TCF4: variants seen among roughly 807,000 people sequenced by gnomAD.
The protein encoded by TCF4 is transcription factor 4, also known as SL3-3 enhancer factor 2.
In TCF4, 3 loss-of-function variants were observed where a neutral mutation model predicts 82.1. That is an observed-to-expected ratio of 0.04 (90% CI 0.02 to 0.09). TCF4 has a LOEUF of 0.09. Ranked by LOEUF, TCF4 falls within the 10% of genes least tolerant of loss-of-function variation. The pLI, the probability that TCF4 is intolerant of heterozygous loss-of-function variation, is 1.00. For synonymous variants in TCF4, 276 were observed against 309.6 expected (o/e 0.89, Z 1.14); for missense variants, 518 against 852.7 (o/e 0.61, Z 4.89).
intron 3 of TCF4, among the ~76,000 whole-genome samples, chr18:55,476,639 T>A (rs1226485475): frequency 6.6e-6 from 1 of 151,686 alleles, no homozygotes; most frequent in Non-Finnish European, 1.5e-5. Flanking sequence ...CCACACCCAG[T>A]GAATTTTTTG....
intron 12 of TCF4, 139 bp downstream of exon 12, chr18:55,261,327 C>T (rs2145725077): frequency 5.9e-6 from 6 of 1,018,072 alleles, no homozygotes; most frequent in Non-Finnish European, 9.4e-6. Context: ...TTTCCAGTGA[C>T]TGTTATGCAA....
At chr18:55,423,562 A>C (rs2094863096) in intron 5 of TCF4, 1 of 152,282 alleles carries the variant, frequency 6.6e-6, no homozygotes, top group Non-Finnish European at 1.5e-5. Flanking sequence ...TGAAGATGAC[A>C]AAACATAGCT....
At chr18:55,406,892 C>A (rs568427731) in intron 5 of TCF4, among the ~76,000 whole-genome samples, 2 of 152,314 alleles carry the variant, frequency 1.3e-5, no homozygotes, top group South Asian at 2.1e-4. Flanking sequence ...ACAGCCGCTG[C>A]GGATATTTTT....
intron 3 of TCF4, among the ~76,000 whole-genome samples, chr18:55,521,501 T>C (rs1180741692): frequency 6.6e-6 from 1 of 152,126 alleles, no homozygotes; most frequent in Non-Finnish European, 1.5e-5. Context: ...TCCCATGTGT[T>C]TGCTACCTAC....
Position 55,355,273 on chromosome 18 carries a change from A to C in TCF4, c.370-4270T>G, listed in dbSNP as rs981924031. Among the ~76,000 whole-genome samples the C allele has an allele frequency of 2.0e-5, 3 of 152,206 alleles. No homozygotes were observed. The South Asian group carries it at 6.2e-4, about 31-fold the overall frequency. On this transcript the variant is annotated intron_variant, in intron 6 of 19. Coordinates refer to ENST00000354452, the MANE Select transcript of TCF4 (RefSeq NM_001083962.2). ...AAATGCAAAATACACATTGAGTGAAATTACAAGTTAGATTTGTTTAAAATA... is the reference window on the plus strand; with the variant it reads ...AAATGCAAAATACACATTGAGTGAACTTACAAGTTAGATTTGTTTAAAATA...
intron 2 of TCF4, among the ~76,000 whole-genome samples, chr18:55,612,398 C>T (rs533238003): frequency 1.4e-4 from 22 of 152,000 alleles, no homozygotes; most frequent in Non-Finnish European, 2.9e-4. Flanking sequence ...AATTCCATAT[C>T]GTGTTTGTTG....
chr18:55,445,306 C>T (rs185591452), intron 5 of TCF4, among the ~76,000 whole-genome samples: 10 of 151,842 alleles, frequency 6.6e-5, no homozygotes, highest in South Asian at 4.2e-4. Flanking sequence ...GAAGAAATAC[C>T]GGAGATGGTA....
At chr18:55,230,360 G>T (rs2047572630) in intron 17 of TCF4, 1 of 152,192 alleles carries the variant, frequency 6.6e-6, no homozygotes, top group Non-Finnish European at 1.5e-5. Context: ...ATCATATGAG[G>T]AAGTCGTCAC....
chr18:55,267,478 G>A (rs1264736249), intron 11 of TCF4: 1 of 152,084 alleles, frequency 6.6e-6, no homozygotes, highest in African/African-American at 2.4e-5. Context: ...GAGAACTTAA[G>A]TGTGAAAAAA....
chr18:55,490,285 G>T (rs1353757669), intron 3 of TCF4, among the ~76,000 whole-genome samples: 1 of 152,000 alleles, frequency 6.6e-6, no homozygotes, highest in Non-Finnish European at 1.5e-5. Context: ...TATTTATTTA[G>T]ATATATTTAT....
At chr18:55,598,454 G>A (rs181886732) in intron 2 of TCF4, among the ~76,000 whole-genome samples, 2 of 152,238 alleles carry the variant, frequency 1.3e-5, no homozygotes, top group African/African-American at 2.4e-5. Context: ...TTGTTACATA[G>A]GTATACATGT....
Position 55,269,849 on chromosome 18 carries a change from C to T in TCF4, c.904G>A (p.Gly302Arg), listed in dbSNP as rs1341198543. Residue 302 changes from glycine (G) to arginine (R), a missense_variant, in exon 11 of 20, where the codon GGG (glycine) becomes AGG (arginine). Coordinates refer to ENST00000354452, the MANE Select transcript of TCF4 (RefSeq NM_001083962.2). ...GACTCACCCATTATACTGTCTGTCC[C>T]GTTGGCAGGAGGCGTACAGGAAGAG... is the stretch of plus-strand genomic sequence containing the variant. The part of the protein sequence containing the change: ...STSSCTPPAN[G>R]TDSIMANRGS... 9 of 1,613,056 alleles carry T rather than the reference C, an allele frequency of 5.6e-6. No individual in the cohort carries two copies. Among genetic ancestry groups the T allele is most frequent in the South Asian group, 2.2e-5 (2 of 91,056 alleles).
chr18:55,621,465 A>ATGTACAT (rs2097718250), intron 2 of TCF4, among the ~76,000 whole-genome samples: 1 of 113,340 alleles, frequency 8.8e-6, no homozygotes, highest in Non-Finnish European at 1.7e-5. Flanking sequence ...ATAATATATA[A>ATGTACAT]TATATATAAA....
At chr18:55,370,421 G>A (rs2088675755) in intron 6 of TCF4, among the ~76,000 whole-genome samples, 2 of 145,296 alleles carry the variant, frequency 1.4e-5, no homozygotes, top group South Asian at 4.5e-4. Context: ...TAGATAGATA[G>A]ACAGATGATA....
chr18:55,539,292 T>G (rs1274064557), intron 3 of TCF4, among the ~76,000 whole-genome samples: 2 of 152,172 alleles, frequency 1.3e-5, no homozygotes, highest in Admixed American at 1.3e-4. Flanking sequence ...ATGTCACTGA[T>G]TCAGGGAAAT....
chr18:55,546,374 A>T (rs2097207548), intron 3 of TCF4, among the ~76,000 whole-genome samples: 1 of 152,190 alleles, frequency 6.6e-6, no homozygotes, highest in Admixed American at 6.5e-5. Flanking sequence ...ATTAAAATAC[A>T]GATGTAGAAA....
At chr18:55,336,273 C>T (rs1221361320) in intron 8 of TCF4, among the ~76,000 whole-genome samples, 1 of 151,916 alleles carries the variant, frequency 6.6e-6, no homozygotes, top group East Asian at 1.9e-4. Flanking sequence ...TACAATTACC[C>T]TCCTAAATAG....
At chr18:55,263,675 A>G (rs1349279258) in intron 11 of TCF4, among the ~76,000 whole-genome samples, 1 of 152,050 alleles carries the variant, frequency 6.6e-6, no homozygotes, top group African/African-American at 2.4e-5. Flanking sequence ...TGTGAAATAT[A>G]GATGATACTA....
intron 8 of TCF4, among the ~76,000 whole-genome samples, chr18:55,328,187 T>A (rs1001693141): frequency 1.3e-5 from 2 of 152,136 alleles, no homozygotes; most frequent in Non-Finnish European, 2.9e-5. Context: ...TCCTCAATTT[T>A]TTGCAAAGTA....
Sources: allele counts gnomAD v4.1 joint callset (sites outside exome capture counted in the v4.1 genomes callset), GRCh38; gene constraint gnomAD v4.1.1; transcripts MANE v1.5; gene names NCBI Gene and HGNC (gene_info 2026-07-23, HGNC 2026-07-21).